Variants in LTN1 observed in about 807,000 individuals in gnomAD.
LTN1 encodes the protein listerin E3 ubiquitin protein ligase 1.
LTN1 carries 88 observed loss-of-function variants against 201.2 expected under a neutral mutation model. The observed-to-expected ratio is 0.44, with a 90% confidence interval of 0.37 to 0.52. LTN1 has a LOEUF of 0.52. Among genes scored for constraint, LTN1 ranks in the 20% least tolerant of loss-of-function variants. LTN1 has a pLI of 0.00. For missense variants in LTN1, 1,752 were observed against 2,038.7 expected, an observed-to-expected ratio of 0.86 and a Z score of 2.71; for synonymous variants, 645 against 713.5, an observed-to-expected ratio of 0.90 and a Z score of 1.53.
chr21:28,930,459 T>C lies in LTN1; in HGVS notation c.5290A>G (p.Thr1764Ala). The change falls in exon 30 of 30, where the codon ACG becomes GCG. Residue 1764 changes from threonine (T) to alanine (A), a missense_variant. Around this residue, in one of 3 missense-constraint regions of LTN1, gnomAD observed 261 missense variants for 350.1 expected, o/e 0.75. Coordinates refer to ENST00000361371, the MANE Select transcript of LTN1 (RefSeq NM_015565.3). ...NKSTCPLCRETFF is the reference protein window; with the variant it reads ...NKSTCPLCREAFF ...CAGTGAAAAAAATCTCAGAAAAACGTCTCACGACACAGTGGACAAGTGGAT... is the reference window on the plus strand; with the variant it reads ...CAGTGAAAAAAATCTCAGAAAAACGCCTCACGACACAGTGGACAAGTGGAT... 1 of 1,612,554 alleles carries C rather than the reference T, an allele frequency of 6.2e-7. No homozygotes were observed. Among genetic ancestry groups the C allele is most frequent in the Non-Finnish European group, 8.5e-7 (1 of 1,179,134 alleles).
Position 28,981,128 on chromosome 21 carries a change from A to G in LTN1, c.801T>C (p.Ser267=). ...AAAAAGATTAATATACCTGAGGTAC[A>G]CTGTGTTTTCCATACTTCCAAAACT... ...QNKFWKYGKH[S]VPQIRSAYFE... Residue 267 remains serine (S), a synonymous_variant, in exon 6 of 30, where the codon AGT becomes AGC. Coordinates refer to ENST00000361371, the MANE Select transcript of LTN1 (RefSeq NM_015565.3). 1 of 1,552,722 alleles carries G rather than the reference A, an allele frequency of 6.4e-7. No homozygotes were observed. Among genetic ancestry groups the G allele is most frequent in the Non-Finnish European group, 8.7e-7 (1 of 1,155,794 alleles).
rs1290516633 is a variant in LTN1, at chr21:28,941,371, A to T, written c.4331T>A (p.Ile1444Asn). 6.2e-7 allele frequency: 1 copy of T among 1,613,346 alleles called. No homozygotes were observed. Among genetic ancestry groups the T allele is most frequent in the Admixed American group, 1.7e-5 (1 of 59,790 alleles). The change falls in exon 25 of 30, where the codon ATT becomes AAT. Residue 1444 changes from isoleucine (I) to asparagine (N), a missense_variant. Ile to Asn is a moderately radical substitution (Grantham distance 149, BLOSUM62 -3). Transcript: ENST00000361371. ...PPAALMSLLSIQEDLLENVLG... is the reference protein window; with the variant it reads ...PPAALMSLLSNQEDLLENVLG... ...AACATTTTCTAGTAAGTCCTCTTGA[A>T]TGCTAAGAAGAGACATCAGTGCTGC...
At chr21:28,974,083 T>C (rs924463822) in intron 6 of LTN1, among the ~76,000 whole-genome samples, 4 of 152,162 alleles carry the variant, frequency 2.6e-5, no homozygotes, top group Non-Finnish European at 5.9e-5. Context: ...GGGCAAAGAT[T>C]TCTTAGATAA....
At chr21:28,991,388 A>G (rs776337562) in intron 1 of LTN1, among the ~76,000 whole-genome samples, 1 of 152,214 alleles carries the variant, frequency 6.6e-6, no homozygotes, top group Non-Finnish European at 1.5e-5. Context: ...CAAAAGTCAA[A>G]GTTTCTGCAT....
chr21:28,937,844 C>A (rs1481852503), intron 25 of LTN1, among the ~76,000 whole-genome samples: 1 of 152,028 alleles, frequency 6.6e-6, no homozygotes, highest in Non-Finnish European at 1.5e-5. Context: ...CTACTGGTCC[C>A]AGGCATTTTG....
At chr21:28,962,543 T>C (rs1188905516) in intron 11 of LTN1, among the ~76,000 whole-genome samples, 3 of 152,256 alleles carry the variant, frequency 2.0e-5, no homozygotes, top group African/African-American at 7.2e-5. Context: ...GTGTGTGTTC[T>C]GACTGCCCCG....
At position 28,987,866 on chromosome 21, in the gene LTN1, G is replaced by A. The variant is rs576640280; in HGVS notation, c.43-932C>T. ...GTGATTCAAATTGCTCATACCGGCC[G>A]GGCACAGTGGCTCACGCCTGTAATC... On this transcript the variant is annotated intron_variant, in intron 1 of 29. Coordinates refer to ENST00000361371, the MANE Select transcript of LTN1 (RefSeq NM_015565.3). Among the ~76,000 whole-genome samples the A allele has an allele frequency of 2.0e-3, 299 of 150,406 alleles. 3 individuals are homozygous for A. Among genetic ancestry groups the A allele is most frequent in the African/African-American group, 7.1e-3 (289 of 40,888 alleles).
rs764877406 is a variant in LTN1 at position 28,944,452 on chromosome 21, T to C, written c.3913A>G (p.Ser1305Gly). The change falls in exon 22 of 30, where the codon AGT becomes GGT. Residue 1305 changes from serine to glycine, a missense_variant. Coordinates refer to ENST00000361371, the MANE Select transcript of LTN1 (RefSeq NM_015565.3). The stretch of plus-strand genomic sequence containing the variant: ...TGGGAAAAAAATTCTTTCCATTCAC[T>C]GATTAGATTTACAGGAAGATTGCCA... ...TIGNLPVNLISEWKEFFSQGI... is the reference protein window; with the variant it reads ...TIGNLPVNLIGEWKEFFSQGI... 6.2e-7 allele frequency: 1 copy of C among 1,614,054 alleles called. No individual in the cohort carries two copies. Among genetic ancestry groups the C allele is most frequent in the South Asian group, 1.1e-5 (1 of 91,084 alleles).
rs1242699185 is a variant in LTN1 at position 28,982,387 on chromosome 21, C to T, written c.577-19G>A. On this transcript the variant is annotated intron_variant, in intron 4 of 29. Transcript: ENST00000361371. ...GCAGCACCTACAAAGGGGGGAAATA[C>T]CAAAGCCTTTGGTTTTACTGAACTG... is the stretch of plus-strand genomic sequence containing the variant. 12 of 1,603,968 alleles carry T rather than the reference C, an allele frequency of 7.5e-6. No individual in the cohort carries two copies. The highest frequency in any genetic ancestry group is 1.1e-5 in the South Asian group (1 of 90,780).
chr21:28,960,261 G>A (rs1162925568), intron 12 of LTN1, among the ~76,000 whole-genome samples: 1 of 151,722 alleles, frequency 6.6e-6, no homozygotes, highest in Non-Finnish European at 1.5e-5. Context: ...CAACTACTTG[G>A]GAAGCTGAGG....
intron 11 of LTN1, chr21:28,964,713 G>A (rs2084507036): frequency 6.5e-7 from 1 of 1,550,374 alleles, no homozygotes; most frequent in Non-Finnish European, 8.7e-7. Flanking sequence ...TGCTCAGGAA[G>A]AGGATTTTCT....
chr21:28,942,804 C>T (rs1285843032), intron 24 of LTN1, among the ~76,000 whole-genome samples: 1 of 152,042 alleles, frequency 6.6e-6, no homozygotes, highest in African/African-American at 2.4e-5. Flanking sequence ...GCCTAACTGA[C>T]CTTTAAAAAA....
intron 29 of LTN1, among the ~76,000 whole-genome samples, 172 bp downstream of exon 29, chr21:28,930,983 A>T (rs553021060): frequency 2.6e-5 from 4 of 152,290 alleles, no homozygotes; most frequent in East Asian, 1.9e-4. Flanking sequence ...GGCAGATTTT[A>T]AAAAATCACT....
At chr21:28,938,273 C>A (rs1049546393) in intron 25 of LTN1, among the ~76,000 whole-genome samples, 1 of 152,050 alleles carries the variant, frequency 6.6e-6, no homozygotes, top group Non-Finnish European at 1.5e-5. Flanking sequence ...TGTCCGTGAT[C>A]TTAGGAGATA....
rs1305460476 is a variant in LTN1, at chr21:28,931,163, C to A, written c.5230G>T (p.Ala1744Ser). The A allele has an allele frequency of 6.2e-7, 1 of 1,608,298 alleles. No homozygotes were observed. Among genetic ancestry groups the A allele is most frequent in the Non-Finnish European group, 8.5e-7 (1 of 1,177,892 alleles). ...TTTCTCTTTAGACTTACCAAGCAGGCTGAATGGAATTTTTTCTTGCATGTT... is the reference window on the plus strand; with the variant it reads ...TTTCTCTTTAGACTTACCAAGCAGGATGAATGGAATTTTTTCTTGCATGTT... ...CRTCKKKFHSACLYKWFTSSN... is the reference protein window; with the variant it reads ...CRTCKKKFHSSCLYKWFTSSN... The change falls in exon 29 of 30, where the codon GCC becomes TCC. Residue 1744 changes from alanine (A) to serine (S), a missense_variant. By Grantham distance (99) the Ala-to-Ser change is moderately conservative (BLOSUM62 1). Coordinates refer to ENST00000361371, the MANE Select transcript of LTN1 (RefSeq NM_015565.3).
At position 28,951,852 on chromosome 21, in the gene LTN1, C is replaced by T. The variant is rs566042959; in HGVS notation, c.3344+308G>A. Among the ~76,000 whole-genome samples the T allele has an allele frequency of 2.6e-5, 4 of 152,064 alleles. No individual in the cohort carries two copies. In the East Asian group the frequency reaches 7.7e-4, roughly 29 times the overall value. ...AGGTGTGGTAGTGCACACCTGTGGT[C>T]CCAGTTACTCAGGAGGGTGTGGTGG... is the stretch of plus-strand genomic sequence containing the variant. On this transcript the variant is annotated intron_variant, in intron 18 of 29. Transcript: ENST00000361371.
At position 28,932,510 on chromosome 21, in the gene LTN1, C is replaced by T; in HGVS notation, c.5030G>A (p.Arg1677Gln). 4 of 1,613,976 alleles carry T rather than the reference C, an allele frequency of 2.5e-6. No individual in the cohort carries two copies. Among genetic ancestry groups the T allele is most frequent in the African/African-American group, 1.3e-5 (1 of 75,050 alleles). ...KRVGVAVQQW[R>Q]NWMLQLSTYL... is the part of the protein sequence containing the mutation. The stretch of plus-strand genomic sequence containing the variant: ...AGTGCTTAACTGCAGCATCCAGTTC[C>T]GCCACTGCTGAACAGCTACTCCTAC... The change falls in exon 28 of 30, where the codon CGG (arginine) becomes CAG (glutamine). Residue 1677 changes from arginine to glutamine, a missense_variant. By Grantham distance (43) the Arg-to-Gln change is conservative (BLOSUM62 1). Coordinates refer to ENST00000361371, the MANE Select transcript of LTN1 (RefSeq NM_015565.3).
At position 28,972,739 on chromosome 21, in the gene LTN1, G is replaced by C. The variant is rs1448319682; in HGVS notation, c.811-1295C>G. 2.0e-5 allele frequency among the ~76,000 whole-genome samples: 3 copies of C among 152,214 alleles called. No individual in the cohort carries two copies. The South Asian group carries it at 6.2e-4, about 32-fold the overall frequency. On this transcript the variant is annotated intron_variant, in intron 6 of 29. Coordinates refer to ENST00000361371, the MANE Select transcript of LTN1 (RefSeq NM_015565.3). ...AATCCCAAAACAAGAGAAGAATGAG[G>C]AAGGAAATACCTAGAGATAATAGCT...
intron 25 of LTN1, among the ~76,000 whole-genome samples, chr21:28,940,776 G>C (rs1459906108): frequency 1.3e-5 from 2 of 152,190 alleles, no homozygotes; most frequent in African/African-American, 2.4e-5. Context: ...TTATTAAGCA[G>C]ATGGAAGTTA....
Sources: gnomAD v4.1 joint callset for allele counts (sites outside exome capture counted in the v4.1 genomes callset) on GRCh38, gnomAD v4.1.1 for gene constraint, gnomAD v4.1.1 regional missense constraint, MANE v1.5 for transcripts, NCBI Gene and HGNC (gene_info 2026-07-23, HGNC 2026-07-21) for gene names.